The following SPTBN1 variants were observed in gnomAD, a reference collection of about 807,000 sequenced individuals.
SPTBN1 encodes spectrin beta chain, non-erythrocytic 1.
In SPTBN1, 32 loss-of-function variants were observed where a neutral mutation model predicts 266.4. The observed-to-expected ratio is 0.12, with a 90% confidence interval of 0.09 to 0.16. SPTBN1 has a LOEUF of 0.16. Ranked by LOEUF, SPTBN1 falls within the 10% of genes least tolerant of loss-of-function variation. The probability of loss-of-function intolerance (pLI) is 1.00; values close to 1 mark genes in which losing one functional copy is unlikely to be tolerated. For synonymous variants in SPTBN1, 1,336 were observed against 1,162.2 expected, an observed-to-expected ratio of 1.15 and a Z score of -3.04; for missense variants, 2,296 against 3,067.1, an observed-to-expected ratio of 0.75 and a Z score of 5.94.
At chr2:54,625,867 A>T (rs1678287465) in intron 11 of SPTBN1, 65 bp from the exon 12 acceptor site, 1 of 1,530,648 alleles carries the variant, frequency 6.5e-7, no homozygotes, top group African/African-American at 1.4e-5. Context: ...CTGGGATTAC[A>T]AGCATGAGCT....
At chr2:54,607,816 G>A (rs901472369) in intron 3 of SPTBN1, among the ~76,000 whole-genome samples, 3 of 152,114 alleles carry the variant, frequency 2.0e-5, no homozygotes, top group Admixed American at 2.0e-4. Context: ...GTAGGCCTCT[G>A]CACATAATCT....
Position 54,626,489 on chromosome 2 carries a change from A to C in SPTBN1, c.1644+255A>C, listed in dbSNP as rs1678343124. ...CTGTGACTTAGATATATTCCAGTGT[A>C]GGGAATCAATCACATTGTGGTTTTC... On this transcript the variant is annotated intron_variant, in intron 12 of 35. Transcript: ENST00000356805. This position sits in a 1 kb window ranked among gnomAD's most constrained non-coding sequence, Gnocchi z 4.7. 1.3e-5 allele frequency among the ~76,000 whole-genome samples: 2 copies of C among 152,254 alleles called. No homozygotes were observed. Among genetic ancestry groups the C allele is most frequent in the South Asian group, 2.1e-4 (1 of 4,834 alleles).
intron 2 of SPTBN1, among the ~76,000 whole-genome samples, chr2:54,560,186 G>T (rs1198475622): frequency 1.6e-5 from 2 of 128,692 alleles, no homozygotes; most frequent in Non-Finnish European, 3.2e-5. Context: ...AGGAGTTGGG[G>T]TGGGGGGGGG....
At chr2:54,655,239 C>T (rs1024384773) in intron 28 of SPTBN1, 31 bp downstream of exon 28, 8 of 1,606,614 alleles carry the variant, frequency 5.0e-6, no homozygotes, top group African/African-American at 2.7e-5. Context: ...GGAGCTGCAG[C>T]TGGCGTCAAG....
At chr2:54,529,437 G>A (rs1194304012) in intron 2 of SPTBN1, 1 of 708,162 alleles carries the variant, frequency 1.4e-6, no homozygotes, top group Non-Finnish European at 2.6e-6. Flanking sequence ...GTGTTGAAAG[G>A]TGTCCACGGC....
At chr2:54,490,742 G>A (rs538499925) in intron 1 of SPTBN1, among the ~76,000 whole-genome samples, 41 of 152,290 alleles carry the variant, frequency 2.7e-4, no homozygotes, top group African/African-American at 9.6e-4. Context: ...GCTTAGTGAA[G>A]AAGGATGAGG....
At chr2:54,600,775 T>C (rs1676450282) in intron 3 of SPTBN1, among the ~76,000 whole-genome samples, 1 of 150,486 alleles carries the variant, frequency 6.6e-6, no homozygotes, top group South Asian at 2.1e-4. Context: ...AAAAAAATCA[T>C]TAAAGGTCAC....
intron 2 of SPTBN1, among the ~76,000 whole-genome samples, chr2:54,561,711 A>G (rs955493738): frequency 6.7e-6 from 1 of 148,904 alleles, no homozygotes; most frequent in Non-Finnish European, 1.5e-5. Flanking sequence ...TATAGTTTAA[A>G]TATAGTTATA....
intron 1 of SPTBN1, among the ~76,000 whole-genome samples, chr2:54,508,522 C>G (rs1669696818): frequency 7.1e-6 from 1 of 141,384 alleles, no homozygotes; most frequent in East Asian, 1.9e-4. Flanking sequence ...AAGAGGTGGG[C>G]TAGCGGGTTC....
At chr2:54,514,579 C>T (rs866875731) in intron 1 of SPTBN1, among the ~76,000 whole-genome samples, 1 of 152,196 alleles carries the variant, frequency 6.6e-6, no homozygotes, top group Non-Finnish European at 1.5e-5. Flanking sequence ...CTTCACTGCT[C>T]CCCTAAAGTA....
chr2:54,522,089 T>C (rs964136677), intron 1 of SPTBN1, among the ~76,000 whole-genome samples: 2 of 150,324 alleles, frequency 1.3e-5, no homozygotes, highest in African/African-American at 2.5e-5. Context: ...TTTGTGGAGA[T>C]GGGGGTGTCA....
At chr2:54,630,523 G>A (rs552112574) in intron 15 of SPTBN1, among the ~76,000 whole-genome samples, 3 of 152,296 alleles carry the variant, frequency 2.0e-5, no homozygotes, top group South Asian at 4.1e-4. Context: ...TTTGGAAAAC[G>A]TTCATTAGGT....
intron 24 of SPTBN1, among the ~76,000 whole-genome samples, chr2:54,648,303 G>A (rs536998024): frequency 6.6e-6 from 1 of 152,270 alleles, no homozygotes; most frequent in African/African-American, 2.4e-5. Context: ...AGTCTCCAGG[G>A]ATAGGCACCA....
rs755966775 is a variant in SPTBN1, at chr2:54,617,696, C to G, written c.647+8C>G. ...ACTGATACACAAACACCGGTAAGTCCATACAAATCATCCTAGCAATCGTGG... is the reference window on the plus strand; with the variant it reads ...ACTGATACACAAACACCGGTAAGTCGATACAAATCATCCTAGCAATCGTGG... On this transcript the variant is annotated splice_region_variant and intron_variant, in intron 6 of 35. Transcript: ENST00000356805. 7 of 1,613,412 alleles carry G rather than the reference C, an allele frequency of 4.3e-6. No homozygotes were observed. The East Asian group carries it at 1.1e-4, about 26-fold the overall frequency.
chr2:54,498,768 T>C (rs183635534), intron 1 of SPTBN1, among the ~76,000 whole-genome samples: 16 of 152,316 alleles, frequency 1.1e-4, no homozygotes, highest in Admixed American at 1.0e-3. Flanking sequence ...AGAAAAGTCA[T>C]TTATTTGATA....
At position 54,558,469 on chromosome 2, in the gene SPTBN1, C is replaced by T; in HGVS notation, c.148+31903C>T. ...TTAGGATTGGCCATATTTAAAAGTTCTGAAGTAGAACCTGCGCCTCCTCTC... is the reference window on the plus strand; with the variant it reads ...TTAGGATTGGCCATATTTAAAAGTTTTGAAGTAGAACCTGCGCCTCCTCTC... On this transcript the variant is annotated intron_variant, in intron 2 of 35. Coordinates refer to ENST00000356805, the MANE Select transcript of SPTBN1 (RefSeq NM_003128.3). The surrounding 1 kb of genome is among the most constrained non-coding windows in gnomAD (Gnocchi z 4.6). 1 of 1,089,082 alleles carries T rather than the reference C, an allele frequency of 9.2e-7. No individual in the cohort carries two copies. Among genetic ancestry groups the T allele is most frequent in the South Asian group, 3.7e-5 (1 of 27,108 alleles). 67.5% of individuals were successfully genotyped at this position (1,089,082 alleles called of 1,614,324 possible).
rs878981910 is a variant in SPTBN1, at chr2:54,645,253, C to T, written c.4294C>T (p.Arg1432Trp). 3.1e-6 allele frequency: 5 copies of T among 1,614,062 alleles called. No homozygotes were observed. The highest frequency in any genetic ancestry group is 4.2e-6 in the Non-Finnish European group (5 of 1,179,988). Residue 1432 changes from arginine (R) to tryptophan (W), a missense_variant, in exon 21 of 36, where the codon CGG becomes TGG. By Grantham distance (101) the Arg-to-Trp change is moderately radical. Around this residue, in one of 12 missense-constraint regions of SPTBN1, gnomAD observed 386 missense variants for 486.1 expected, o/e 0.79. Coordinates refer to ENST00000356805, the MANE Select transcript of SPTBN1 (RefSeq NM_003128.3). The surrounding 1 kb of genome is among the most constrained non-coding windows in gnomAD (Gnocchi z 4.3). ...GATGCTGGAGAATCAGATGGAAGTG[C>T]GGAAGAAGGAGATCGAAGAGCTCCA... ...QQMLENQMEV[R>W]KKEIEELQSQ...
At chr2:54,463,465 G>C (rs1336971868) in intron 1 of SPTBN1, among the ~76,000 whole-genome samples, 1 of 152,194 alleles carries the variant, frequency 6.6e-6, no homozygotes. Flanking sequence ...TTTGGATGGA[G>C]GGGCCCTGGG....
rs1456606601 is a variant in SPTBN1 at position 54,644,306 on chromosome 2, T to C, written c.4006-17T>C. 1 of 1,597,956 alleles carries C rather than the reference T, an allele frequency of 6.3e-7. No individual in the cohort carries two copies. Among genetic ancestry groups the C allele is most frequent in the Non-Finnish European group, 8.6e-7 (1 of 1,167,708 alleles). ...GCAAACTTGTTTATTTACAACCATG[T>C]TGGTTTTGTTTTCCAGGAAGGAATG... is the stretch of plus-strand genomic sequence containing the variant. On this transcript the variant is annotated splice_polypyrimidine_tract_variant and intron_variant, in intron 19 of 35. Transcript: ENST00000356805.
Sources: allele counts gnomAD v4.1 joint callset (sites outside exome capture counted in the v4.1 genomes callset), GRCh38; gene constraint gnomAD v4.1.1; regional missense constraint gnomAD v4.1.1; non-coding constraint Gnocchi (gnomAD v3.1); transcripts MANE v1.5; gene names NCBI Gene and HGNC (gene_info 2026-07-23, HGNC 2026-07-21).